Variants in SLC35A1 observed in about 807,000 individuals in gnomAD.
SLC35A1 encodes the protein solute carrier family 35 member A1, also known as CMP-sialic acid transporter.
SLC35A1 carries 21 observed loss-of-function variants against 40.3 expected under a neutral mutation model. That is an observed-to-expected ratio of 0.52 (90% confidence interval 0.37 to 0.75). The LOEUF is 0.75. SLC35A1 is among the 30% of genes least tolerant of loss of function. SLC35A1 has a pLI of 0.00. For missense variants in SLC35A1, 297 were observed against 382.1 expected, an observed-to-expected ratio of 0.78 and a Z score of 1.86; for synonymous variants, 146 against 147.3, an observed-to-expected ratio of 0.99 and a Z score of 0.06.
At chr6:87,508,728 T>A (rs1050940816) in intron 6 of SLC35A1, 132 bp downstream of exon 6, 4 of 912,320 alleles carry the variant, frequency 4.4e-6, no homozygotes, top group Non-Finnish European at 4.9e-6. Context: ...AATATAATTT[T>A]CATTTTGTTG....
At chr6:87,501,422 A>G (rs931095425) in intron 4 of SLC35A1, 112 bp downstream of exon 4, 1 of 1,166,822 alleles carries the variant, frequency 8.6e-7, no homozygotes, top group Non-Finnish European at 1.3e-6. Context: ...TTGATTTAAA[A>G]TAACTTTTGC....
chr6:87,473,132 T>A, intron 1 of SLC35A1, 113 bp downstream of exon 1: 1 of 407,578 alleles, frequency 2.5e-6, no homozygotes, highest in Non-Finnish European at 4.4e-6. Context: ...CCAGTGCCTC[T>A]GGGGCCTGGC....
chr6:87,477,274 A>G (rs1769103954), intron 1 of SLC35A1, 88 bp from the exon 2 acceptor site: 4 of 1,220,680 alleles, frequency 3.3e-6, no homozygotes, highest in African/African-American at 3.1e-5. Context: ...TTGGAATTGG[A>G]AAGTATTTTT....
chr6:87,474,106 A>C, intron 1 of SLC35A1, among the ~76,000 whole-genome samples: 1 of 152,246 alleles, frequency 6.6e-6, no homozygotes, highest in East Asian at 1.9e-4. Context: ...TTGTTTTGAT[A>C]ACTAAAATGG....
intron 7 of SLC35A1, 28 bp from the exon 8 acceptor site, chr6:87,511,371 A>G (rs908621917): frequency 1.9e-6 from 3 of 1,611,814 alleles, no homozygotes; most frequent in African/African-American, 2.7e-5. Context: ...ACACATACAG[A>G]TAAAGCTATT....
At position 87,511,639 on chromosome 6, in the gene SLC35A1, T is replaced by G; in HGVS notation, c.*113T>G. ...AATAAAAATTAACTGTATGGCATGA[T>G]CAGTGCGGTTATGTGGAAACAACAA... On this transcript the variant is annotated 3_prime_UTR_variant, in exon 8 of 8. Coordinates refer to ENST00000369552, the MANE Select transcript of SLC35A1 (RefSeq NM_006416.5). 3 of 1,157,458 alleles carry G rather than the reference T, an allele frequency of 2.6e-6. No individual in the cohort carries two copies. Among genetic ancestry groups the G allele is most frequent in the Non-Finnish European group, 3.9e-6 (3 of 767,024 alleles). 71.7% of individuals were successfully genotyped at this position (1,157,458 alleles called of 1,614,324 possible).
chr6:87,483,715 C>A (rs370130489), intron 2 of SLC35A1, among the ~76,000 whole-genome samples: 3 of 152,272 alleles, frequency 2.0e-5, no homozygotes, highest in East Asian at 3.9e-4. Flanking sequence ...AGCCTCAACC[C>A]CTCAAACCAG....
At chr6:87,483,866 G>C (rs1037222050) in intron 2 of SLC35A1, among the ~76,000 whole-genome samples, 5 of 152,070 alleles carry the variant, frequency 3.3e-5, no homozygotes, top group Non-Finnish European at 2.9e-5. Context: ...TAGTGTTGGC[G>C]TGCTGGTATA....
Position 87,506,534 on chromosome 6 carries a change from T to C in SLC35A1, c.574+86T>C, listed in dbSNP as rs13216482. The C allele has an allele frequency of 0.038, 41,546 of 1,096,868 alleles. 1,022 individuals carry two copies. Among genetic ancestry groups the C allele is most frequent in the Non-Finnish European group, 0.046 (32,394 of 711,792 alleles). 67.9% of individuals were successfully genotyped at this position (1,096,868 alleles called of 1,614,324 possible). On this transcript the variant is annotated intron_variant, in intron 5 of 7. Transcript: ENST00000369552. ...GACACCAGTCTAGTTTATCTTGCTTTCTCAGTTTTATTCCCATTAAACTTG... is the reference window on the plus strand; with the variant it reads ...GACACCAGTCTAGTTTATCTTGCTTCCTCAGTTTTATTCCCATTAAACTTG...
Position 87,487,065 on chromosome 6 carries a change from A to T in SLC35A1, c.194+9526A>T, listed in dbSNP as rs577942417. On this transcript the variant is annotated intron_variant, in intron 2 of 7. Coordinates refer to ENST00000369552, the MANE Select transcript of SLC35A1 (RefSeq NM_006416.5). ...GGTGGCACATGCCTGTATTCTAGCT[A>T]CTTGGGAGGCTGAGGCAGGAGAATT... is the stretch of plus-strand genomic sequence containing the variant. Among the ~76,000 whole-genome samples the T allele has an allele frequency of 5.9e-5, 9 of 152,232 alleles. No homozygotes were observed. In the East Asian group the frequency reaches 1.7e-3, roughly 29 times the overall value.
intron 4 of SLC35A1, among the ~76,000 whole-genome samples, chr6:87,502,844 A>C (rs1769962118): frequency 6.6e-6 from 1 of 151,988 alleles, no homozygotes. Flanking sequence ...ACTGCCATGC[A>C]CTCCTCCACT....
chr6:87,506,519 T>TAA, intron 5 of SLC35A1, 71 bp downstream of exon 5: 2 of 1,174,372 alleles, frequency 1.7e-6, no homozygotes, highest in Non-Finnish European at 2.6e-6. Flanking sequence ...GACACCAGTC[T>TAA]AGTTTATCTT....
intron 6 of SLC35A1, 48 bp from the exon 7 acceptor site, chr6:87,508,993 T>C (rs775848501): frequency 1.0e-5 from 16 of 1,600,758 alleles, no homozygotes; most frequent in Non-Finnish European, 1.3e-5. Context: ...CATTATGTAA[T>C]GTTTCATTTA....
intron 7 of SLC35A1, 141 bp downstream of exon 7, chr6:87,509,316 G>C: frequency 1.9e-6 from 2 of 1,079,006 alleles, no homozygotes; most frequent in Non-Finnish European, 2.8e-6. Flanking sequence ...TATTCCACCA[G>C]TACAGCTGTT....
intron 3 of SLC35A1, 33 bp downstream of exon 3, chr6:87,500,700 A>C (rs761234821): frequency 1.2e-5 from 20 of 1,610,192 alleles, no homozygotes; most frequent in Non-Finnish European, 1.7e-5. Context: ...AAAAGCACAG[A>C]ATCTTTTATG....
At chr6:87,499,159 AG>A (rs1769835562) in intron 2 of SLC35A1, 1 of 970,796 alleles carries the variant, frequency 1.0e-6, no homozygotes, top group Non-Finnish European at 1.2e-6. Flanking sequence ...GCAAATAAAT[AG>A]GCACAGGTTA....
chr6:87,507,483 A>C (rs909439821), intron 5 of SLC35A1, among the ~76,000 whole-genome samples: 1 of 152,184 alleles, frequency 6.6e-6, no homozygotes, highest in African/African-American at 2.4e-5. Context: ...GTGGTTTAAT[A>C]TCTCTCTGTG....
chr6:87,495,812 C>T (rs892155490), intron 2 of SLC35A1, among the ~76,000 whole-genome samples: 5 of 151,930 alleles, frequency 3.3e-5, no homozygotes, highest in Non-Finnish European at 7.4e-5. Context: ...CATGCCACCA[C>T]GCCCGGCTAA....
At chr6:87,495,116 C>T (rs1303527563) in intron 2 of SLC35A1, among the ~76,000 whole-genome samples, 5 of 152,070 alleles carry the variant, frequency 3.3e-5, no homozygotes, top group African/African-American at 7.2e-5. Context: ...ATTATAGGTG[C>T]GTAGCACCAC....
Sources: allele counts gnomAD v4.1 joint callset (sites outside exome capture counted in the v4.1 genomes callset), GRCh38; gene constraint gnomAD v4.1.1; transcripts MANE v1.5; gene names NCBI Gene and HGNC (gene_info 2026-07-23, HGNC 2026-07-21).